Variants in KAZN observed in about 807,000 individuals in gnomAD.
KAZN encodes kazrin, periplakin interacting protein.
KAZN carries 40 observed loss-of-function variants against 87.4 expected under a neutral mutation model. The observed-to-expected ratio is 0.46, with a 90% confidence interval of 0.36 to 0.60. KAZN has a LOEUF of 0.60. Among genes scored for constraint, KAZN ranks in the 20% least tolerant of loss-of-function variants. The pLI, the probability that KAZN is intolerant of heterozygous loss-of-function variation, is 0.00. For missense variants in KAZN, 898 were observed against 1,073.9 expected, an observed-to-expected ratio of 0.84 and a Z score of 2.29; for synonymous variants, 466 against 458.3, an observed-to-expected ratio of 1.02 and a Z score of -0.22.
At chr1:14,209,939 C>A (rs1646819014) in intron 2 of KAZN, among the ~76,000 whole-genome samples, 1 of 152,130 alleles carries the variant, frequency 6.6e-6, no homozygotes, top group Non-Finnish European at 1.5e-5. Flanking sequence ...ATGACTGATC[C>A]TTGGGTTTTA....
At chr1:14,668,813 G>T (rs1639736320) in intron 1 of KAZN, among the ~76,000 whole-genome samples, 1 of 152,152 alleles carries the variant, frequency 6.6e-6, no homozygotes, top group Non-Finnish European at 1.5e-5. Context: ...AATAGAATAG[G>T]TGCATGCTAA....
chr1:15,030,908 C>G (rs1671624093), intron 2 of KAZN, among the ~76,000 whole-genome samples: 3 of 152,236 alleles, frequency 2.0e-5, no homozygotes, highest in Admixed American at 6.5e-5. Context: ...ACCTGGGGTC[C>G]CCACTGCGTG....
Position 14,344,199 on chromosome 1 carries a change from GA to G in KAZN, c.249+163610del, listed in dbSNP as rs140785552. ...TTTTTTTGACAAATATTTACTGAAG[GA>G]AACTAGCCTGGCATGTTCTAAGACA... On this transcript the variant is annotated intron_variant, in intron 2 of 16. Coordinates refer to the KAZN transcript ENST00000636203. Among the ~76,000 whole-genome samples the G allele has an allele frequency of 7.0e-3, 956 of 136,588 alleles. 11 individuals are homozygous for G. Among genetic ancestry groups the G allele is most frequent in the African/African-American group, 0.026 (911 of 35,244 alleles). 89.6% of individuals were successfully genotyped at this position (136,588 alleles called of 152,430 possible).
chr1:14,441,024 G>A (rs548961802), intron 2 of KAZN, among the ~76,000 whole-genome samples: 1 of 152,260 alleles, frequency 6.6e-6, no homozygotes, highest in Middle Eastern at 3.4e-3. Flanking sequence ...CAGTCCATTA[G>A]GATGTCATGG....
At chr1:14,098,676 G>C (rs1644182341) in intron 1 of KAZN, among the ~76,000 whole-genome samples, 1 of 152,124 alleles carries the variant, frequency 6.6e-6, no homozygotes, top group Non-Finnish European at 1.5e-5. Context: ...ATTGCTGTAG[G>C]GTTGGGGCCA....
At position 14,887,868 on chromosome 1, in the gene KAZN, CT is replaced by C. The variant is rs550470985; in HGVS notation, c.227-72815del. On this transcript the variant is annotated intron_variant, in intron 1 of 14. Coordinates refer to ENST00000376030, the MANE Select transcript of KAZN (RefSeq NM_201628.3). Reference sequence around the variant, plus strand: ...GGATGGATTAATTTCTCATGCCCCCCTCTCTCTCTCGTTATGTTTCATTGTG... The same window carrying C: ...GGATGGATTAATTTCTCATGCCCCCCCTCTCTCTCGTTATGTTTCATTGTG... Among the ~76,000 whole-genome samples, 433 of 151,240 alleles carry C rather than the reference CT, an allele frequency of 2.9e-3. 1 individual carries two copies. The highest frequency in any genetic ancestry group is 0.01 in the African/African-American group (413 of 40,752).
intron 1 of KAZN, among the ~76,000 whole-genome samples, chr1:14,874,470 CTGGATGGA>C (rs58006026): frequency 0.07 from 10,358 of 148,004 alleles, 565 homozygotes; most frequent in African/African-American, 0.15. Context: ...AGCTGGCTGA[CTGGATGGA>C]TGGATGGATG....
At chr1:14,803,136 TATAAGAC>T (rs1479080371) in intron 1 of KAZN, among the ~76,000 whole-genome samples, 1 of 152,120 alleles carries the variant, frequency 6.6e-6, no homozygotes, top group Non-Finnish European at 1.5e-5. Context: ...GAGGGCTCCT[TATAAGAC>T]AAACGCTGTG....
At chr1:14,526,594 A>G (rs995998223) in intron 2 of KAZN, among the ~76,000 whole-genome samples, 2 of 152,208 alleles carry the variant, frequency 1.3e-5, no homozygotes, top group African/African-American at 4.8e-5. Context: ...ATGTAAGTGA[A>G]TATTTTTGTT....
intron 1 of KAZN, among the ~76,000 whole-genome samples, chr1:14,873,982 G>A (rs1225221952): frequency 6.6e-6 from 1 of 152,178 alleles, no homozygotes; most frequent in Non-Finnish European, 1.5e-5. Flanking sequence ...AAATAGAGAA[G>A]ACAGGGGCAG....
At chr1:14,816,755 A>T (rs1019836349) in intron 1 of KAZN, among the ~76,000 whole-genome samples, 5 of 152,220 alleles carry the variant, frequency 3.3e-5, no homozygotes, top group Admixed American at 3.3e-4. Flanking sequence ...GATAGATTAT[A>T]GAATGAATAA....
chr1:15,005,384 G>C (rs1457814957), intron 2 of KAZN, among the ~76,000 whole-genome samples: 1 of 152,148 alleles, frequency 6.6e-6, no homozygotes, highest in Non-Finnish European at 1.5e-5. Context: ...ACACCTCCCC[G>C]AGACTGACCC....
intron 1 of KAZN, among the ~76,000 whole-genome samples, chr1:14,611,855 A>C (rs984475900): frequency 6.6e-6 from 1 of 152,180 alleles, no homozygotes; most frequent in Non-Finnish European, 1.5e-5. Flanking sequence ...CTTTTTCTAT[A>C]AAGGGCCAAA....
chr1:14,125,756 A>G (rs1401522033), intron 1 of KAZN, among the ~76,000 whole-genome samples: 5 of 152,108 alleles, frequency 3.3e-5, no homozygotes, highest in Non-Finnish European at 5.9e-5. Flanking sequence ...TGCAGTGGAA[A>G]AAAGCATCCA....
intron 1 of KAZN, among the ~76,000 whole-genome samples, chr1:14,908,965 A>G (rs1160678109): frequency 6.6e-6 from 1 of 152,020 alleles, no homozygotes; most frequent in Non-Finnish European, 1.5e-5. Context: ...CCTGGGTGAC[A>G]GGGCGAGACT....
intron 2 of KAZN, among the ~76,000 whole-genome samples, chr1:14,280,811 C>G (rs1015484841): frequency 6.6e-6 from 1 of 152,200 alleles, no homozygotes; most frequent in Non-Finnish European, 1.5e-5. Flanking sequence ...ACATATATGC[C>G]AGGCATTTTT....
chr1:14,637,939 T>C (rs1680118158), intron 1 of KAZN, among the ~76,000 whole-genome samples: 1 of 151,784 alleles, frequency 6.6e-6, no homozygotes, highest in Non-Finnish European at 1.5e-5. Context: ...TTCTGGGAGG[T>C]CTGGGGGAGA....
chr1:14,138,656 G>C (rs10928029), intron 1 of KAZN, among the ~76,000 whole-genome samples: 1 of 151,798 alleles, frequency 6.6e-6, no homozygotes, highest in Non-Finnish European at 1.5e-5. Flanking sequence ...AGGCAATGGC[G>C]TACATCGCAG....
intron 2 of KAZN, among the ~76,000 whole-genome samples, chr1:14,301,340 G>T (rs373776735): frequency 3.9e-4 from 59 of 152,240 alleles, no homozygotes; most frequent in African/African-American, 1.4e-3. Flanking sequence ...GTACAAGTGT[G>T]GCTCTCCCTT....
Sources: gnomAD v4.1 joint callset for allele counts (sites outside exome capture counted in the v4.1 genomes callset) on GRCh38, gnomAD v4.1.1 for gene constraint, MANE v1.5 for transcripts, NCBI Gene and HGNC (gene_info 2026-07-23, HGNC 2026-07-21) for gene names.